Variants in C15orf40 observed in about 807,000 individuals in gnomAD.
C15orf40 encodes the protein UPF0235 protein C15orf40.
C15orf40 carries 9 observed loss-of-function variants against 13.9 expected under a neutral mutation model. The observed-to-expected ratio is 0.65, with a 90% CI of 0.39 to 1.13. The LOEUF is 1.13. Among genes scored for constraint, C15orf40 ranks in the 50% most tolerant of loss-of-function variants. C15orf40 has a pLI of 0.01. For synonymous variants in C15orf40, 95 were observed against 69.2 expected, an observed-to-expected ratio of 1.37 and a Z score of -1.85; for missense variants, 225 against 188.5, an observed-to-expected ratio of 1.19 and a Z score of -1.13.
downstream of C15orf40, among the ~76,000 whole-genome samples, chr15:82,992,244 G>A (rs927043482): frequency 6.6e-6 from 1 of 152,100 alleles, no homozygotes; most frequent in Non-Finnish European, 1.5e-5. Context: ...GGCTGGGCAC[G>A]GTGGCTCACA....
rs778015881 is a variant in C15orf40 at position 83,011,497 on chromosome 15, C to T, written c.111G>A (p.Lys37=). ...EMPKKAGATT[K]GKSQSKEPER... ...TGCCGCCACGGGACCTGCTACTGGC[C>T]TTGGTCGTCGCACCAGCCTTCTTAG... Residue 37 remains lysine, a splice_region_variant and synonymous_variant, in exon 1 of 4, where the codon AAG becomes AAA. Coordinates refer to ENST00000304177, the MANE Select transcript of C15orf40 (RefSeq NM_144597.3). 1.2e-6 allele frequency: 2 copies of T among 1,604,202 alleles called. No individual in the cohort carries two copies. Among genetic ancestry groups the T allele is most frequent in the African/African-American group, 2.7e-5 (2 of 74,470 alleles).
At chr15:82,992,042 C>T (rs1350767384), downstream of C15orf40, 1 of 586,944 alleles carries the variant, frequency 1.7e-6, no homozygotes, top group Admixed American at 2.4e-5. Flanking sequence ...GTAGCAAGAT[C>T]CTGTCTCTAC....
Position 82,999,735 on chromosome 15 carries a change from A to C in C15orf40, c.*5862T>G, listed in dbSNP as rs1596403304. 2 of 152,162 alleles carry C rather than the reference A, an allele frequency of 1.3e-5. No homozygotes were observed. The highest frequency in any genetic ancestry group is 2.9e-5 in the Non-Finnish European group (2 of 68,032). The allele number at this position is 152,162 out of a possible 1,614,324, so 9.4% of individuals were successfully genotyped here. On this transcript the variant is annotated 3_prime_UTR_variant, in exon 4 of 4. Coordinates refer to ENST00000304177, the MANE Select transcript of C15orf40 (RefSeq NM_144597.3). ...TTTGAACGTCACTGCGATAGTAAAA[A>C]CACATCACAGATTAGTTTTCTGTAG...
In C15orf40 at chr15:83,003,029, C is replaced by T. The variant is rs2031484918; in HGVS notation, c.*2568G>A. ...GTTTCACCATGTTGGCCAGGGTGAT[C>T]TTGAACTCCTGACCTCGTGATCTGC... On this transcript the variant is annotated 3_prime_UTR_variant, in exon 4 of 4. Coordinates refer to ENST00000304177, the MANE Select transcript of C15orf40 (RefSeq NM_144597.3). 6.6e-6 allele frequency: 1 copy of T among 151,252 alleles called. No individual in the cohort carries two copies. The highest frequency in any genetic ancestry group is 2.4e-5 in the African/African-American group (1 of 41,114). The allele number at this position is 151,252 out of a possible 1,614,324, so 9.4% of individuals were successfully genotyped here.
chr15:83,004,581 A>T lies in C15orf40; in HGVS notation c.*1016T>A, dbSNP rs2031573731. 1 of 891,724 alleles carries T rather than the reference A, an allele frequency of 1.1e-6. No homozygotes were observed. The highest frequency in any genetic ancestry group is 1.3e-6 in the Non-Finnish European group (1 of 744,322). 55.2% of individuals were successfully genotyped at this position (891,724 alleles called of 1,614,324 possible). ...TTTAAGGATCTTTGGAGATTCATAA[A>T]AACTACTGAATTTGCTGATTATTTA... On this transcript the variant is annotated 3_prime_UTR_variant, in exon 4 of 4. Transcript: ENST00000304177.
In C15orf40 at chr15:83,011,600, C is replaced by T; in HGVS notation, c.8G>A (p.Arg3Gln). ...AAGGTGCCTCAGCCCGCTGCGGAGC[C>T]GCAGCATCCCCGCCTGGGAAGGCGC... Reference protein sequence around the residue: MLRLRSGLRHLRA... With the variant: MLQLRSGLRHLRA... Residue 3 changes from arginine to glutamine, a missense_variant, in exon 1 of 4, where the codon CGG becomes CAG. By Grantham distance (43) the Arg-to-Gln change is conservative. Coordinates refer to ENST00000304177, the MANE Select transcript of C15orf40 (RefSeq NM_144597.3). The T allele has an allele frequency of 5.7e-6, 9 of 1,583,504 alleles. No homozygotes were observed. Among genetic ancestry groups the T allele is most frequent in the East Asian group, 4.6e-5 (2 of 43,466 alleles).
intron 2 of C15orf40, among the ~76,000 whole-genome samples, 187 bp downstream of exon 2, chr15:83,010,050 G>C (rs1467994306): frequency 6.6e-6 from 1 of 152,216 alleles, no homozygotes; most frequent in Non-Finnish European, 1.5e-5. Flanking sequence ...AACTTGGCAT[G>C]ATTTAAAGAT....
At chr15:82,990,508 TACATA>T, downstream of C15orf40, 1 of 674,146 alleles carries the variant, frequency 1.5e-6, no homozygotes, top group South Asian at 2.0e-5. Context: ...TGATAGATTG[TACATA>T]ACATCAGCAG....
chr15:83,004,246 G>A lies in C15orf40; in HGVS notation c.*1351C>T, dbSNP rs550207447. On this transcript the variant is annotated 3_prime_UTR_variant, in exon 4 of 4. Transcript: ENST00000304177. ...CTGCCTCAACCTTCCAAAGCGCTGG[G>A]ATTACAGGCGTGAGCCACCAAGCCC... 3 of 884,064 alleles carry A rather than the reference G, an allele frequency of 3.4e-6. No individual in the cohort carries two copies. Among genetic ancestry groups the A allele is most frequent in the South Asian group, 5.2e-5 (1 of 19,182 alleles). The allele number at this position is 884,064 out of a possible 1,614,324, so 54.8% of individuals were successfully genotyped here.
rs912481023 is a variant in C15orf40 at position 83,001,257 on chromosome 15, C to G, written c.*4340G>C. 3.0e-6 allele frequency: 3 copies of G among 985,344 alleles called. No homozygotes were observed. The highest frequency in any genetic ancestry group is 1.2e-4 in the Admixed American group (2 of 16,272). The allele number at this position is 985,344 out of a possible 1,614,324, so 61.0% of individuals were successfully genotyped here. On this transcript the variant is annotated 3_prime_UTR_variant, in exon 4 of 4. Transcript: ENST00000304177. Reference sequence around the variant, plus strand: ...CCAGGGCATAATGAGCCAGGCTGTTCTTTCCCAGGATCTGTCGAAGTACAG... The same window carrying G: ...CCAGGGCATAATGAGCCAGGCTGTTGTTTCCCAGGATCTGTCGAAGTACAG...
downstream of C15orf40, chr15:82,989,167 A>G (rs766256318): frequency 6.2e-7 from 1 of 1,612,606 alleles, no homozygotes; most frequent in African/African-American, 1.3e-5. Context: ...GCTGGTGGGA[A>G]CCAAAGAAAC....
chr15:82,999,400 C>T lies in C15orf40; in HGVS notation c.*6197G>A, dbSNP rs1441098839. On this transcript the variant is annotated 3_prime_UTR_variant, in exon 4 of 4. Coordinates refer to ENST00000304177, the MANE Select transcript of C15orf40 (RefSeq NM_144597.3). ...TTGGAGAAATGGGGTCTTACCACGT[C>T]GCCCAAGCTGGTCTCAAACTCCTGG... is the stretch of plus-strand genomic sequence containing the variant. The T allele has an allele frequency of 3.9e-5, 6 of 152,004 alleles. No homozygotes were observed. The highest frequency in any genetic ancestry group is 2.6e-4 in the Admixed American group (4 of 15,256). The allele number at this position is 152,004 out of a possible 1,614,324, so 9.4% of individuals were successfully genotyped here.
At chr15:83,006,132 G>T (rs1217448617) in intron 3 of C15orf40, among the ~76,000 whole-genome samples, 1 of 151,742 alleles carries the variant, frequency 6.6e-6, no homozygotes, top group Non-Finnish European at 1.5e-5. Flanking sequence ...TCAGGAGACT[G>T]AGGCAGGAAA....
At chr15:83,008,525 A>G in intron 3 of C15orf40, 23 bp downstream of exon 3, 1 of 1,611,170 alleles carries the variant, frequency 6.2e-7, no homozygotes. Flanking sequence ...TCTCAAAAAA[A>G]AAAAAAAGAG....
chr15:83,001,413 C>G lies in C15orf40; in HGVS notation c.*4184G>C. The G allele has an allele frequency of 6.0e-6, 3 of 498,682 alleles. No homozygotes were observed. Among genetic ancestry groups the G allele is most frequent in the Non-Finnish European group, 7.8e-6 (3 of 385,286 alleles). The allele number at this position is 498,682 out of a possible 1,614,324, so 30.9% of individuals were successfully genotyped here. A position where few individuals can be genotyped will look rare whatever the true frequency, so the allele number is the denominator to read the frequency against. On this transcript the variant is annotated 3_prime_UTR_variant, in exon 4 of 4. Transcript: ENST00000304177. ...ATAGATGACAGATGCAGTGCTAGAACATCATATGTCGGCATAGTTGGATAA... is the reference window on the plus strand; with the variant it reads ...ATAGATGACAGATGCAGTGCTAGAAGATCATATGTCGGCATAGTTGGATAA...
At chr15:82,991,872 A>C, downstream of C15orf40, 1 of 1,284,650 alleles carries the variant, frequency 7.8e-7, no homozygotes, top group Non-Finnish European at 1.0e-6. Context: ...TCTAGATAGT[A>C]ATGTCCTGAC....
chr15:82,996,171 T>C lies in C15orf40; in HGVS notation c.*9426A>G, dbSNP rs2031062889. ...CTCCTCCTGAGACAGCTTCAGGGGA[T>C]GATGTGATGATGATCTCATGGTTTT... On this transcript the variant is annotated 3_prime_UTR_variant, in exon 4 of 4. Coordinates refer to ENST00000304177, the MANE Select transcript of C15orf40 (RefSeq NM_144597.3). 1 of 152,238 alleles carries C rather than the reference T, an allele frequency of 6.6e-6. No homozygotes were observed. Among genetic ancestry groups the C allele is most frequent in the Non-Finnish European group, 1.5e-5 (1 of 68,054 alleles). The allele number at this position is 152,238 out of a possible 1,614,324, so 9.4% of individuals were successfully genotyped here. A position where few individuals can be genotyped will look rare whatever the true frequency, so the allele number is the denominator to read the frequency against.
rs943721205 is a variant in C15orf40, at chr15:83,001,013, A to G, written c.*4584T>C. On this transcript the variant is annotated 3_prime_UTR_variant, in exon 4 of 4. Coordinates refer to ENST00000304177, the MANE Select transcript of C15orf40 (RefSeq NM_144597.3). ...TTTGTAGTAGAAACAGGGTTTCGCC[A>G]TATTGGTCAGGCTGGTCTTAAACTC... 1 of 570,006 alleles carries G rather than the reference A, an allele frequency of 1.8e-6. No individual in the cohort carries two copies. The highest frequency in any genetic ancestry group is 2.0e-5 in the African/African-American group (1 of 49,050). The allele number at this position is 570,006 out of a possible 1,614,324, so 35.3% of individuals were successfully genotyped here. A position where few individuals can be genotyped will look rare whatever the true frequency, so the allele number is the denominator to read the frequency against.
intron 2 of C15orf40, 60 bp from the exon 3 acceptor site, chr15:83,008,735 G>T: frequency 6.6e-7 from 1 of 1,513,142 alleles, no homozygotes; most frequent in Non-Finnish European, 8.8e-7. Context: ...ATGAAGCAAG[G>T]ACATTTTGTA....
Sources: allele counts gnomAD v4.1 joint callset (sites outside exome capture counted in the v4.1 genomes callset), GRCh38; gene constraint gnomAD v4.1.1; transcripts MANE v1.5; gene names NCBI Gene and HGNC (gene_info 2026-07-23, HGNC 2026-07-21).